The following MNAT1 variants were observed in gnomAD, a reference collection of about 807,000 sequenced individuals.
The protein encoded by MNAT1 is MNAT1 component of CDK activating kinase, also known as CDK-activating kinase assembly factor MAT1.
Under a neutral mutation model 42.0 loss-of-function variants are expected in MNAT1, and 43 were observed. The observed-to-expected ratio is 1.02, with a 90% CI of 0.80 to 1.32. MNAT1 has a LOEUF of 1.32. Ranked by LOEUF, MNAT1 falls within the 40% of genes most tolerant of loss-of-function variation. MNAT1 has a pLI of 0.00. For synonymous variants in MNAT1, 118 were observed against 120.0 expected, an observed-to-expected ratio of 0.98 and a Z score of 0.11; for missense variants, 306 against 350.4, an observed-to-expected ratio of 0.87 and a Z score of 1.01.
At chr14:60,914,556 TAAA>T (rs11418104) in intron 7 of MNAT1, among the ~76,000 whole-genome samples, 1 of 150,226 alleles carries the variant, frequency 6.7e-6, no homozygotes, top group Non-Finnish European at 1.5e-5. Flanking sequence ...ACAGATATGG[TAAA>T]AAAAAAAATC....
At chr14:60,890,593 A>AGC (rs1210091387) in intron 7 of MNAT1, among the ~76,000 whole-genome samples, 1 of 152,332 alleles carries the variant, frequency 6.6e-6, no homozygotes, top group East Asian at 1.9e-4. Flanking sequence ...AAGCCGACAG[A>AGC]GCAGCCTTCA....
intron 7 of MNAT1, among the ~76,000 whole-genome samples, chr14:60,908,274 AGGAAAGCCTCACT>A (rs2035258282): frequency 6.6e-6 from 1 of 152,144 alleles, no homozygotes; most frequent in Non-Finnish European, 1.5e-5. Context: ...GTGCTATAAA[AGGAAAGCCTCACT>A]GTGTGCTTTT....
intron 7 of MNAT1, among the ~76,000 whole-genome samples, chr14:60,946,623 T>C (rs761149768): frequency 1.2e-4 from 19 of 152,176 alleles, no homozygotes; most frequent in East Asian, 1.9e-4. Flanking sequence ...TTCCTTGACC[T>C]TTTGTTCTCA....
intron 7 of MNAT1, among the ~76,000 whole-genome samples, chr14:60,912,191 C>T (rs1476471330): frequency 6.6e-6 from 1 of 152,092 alleles, no homozygotes. Flanking sequence ...TTCCTCCATC[C>T]CTTTATTTTG....
At chr14:60,866,620 C>T (rs188091912) in intron 6 of MNAT1, among the ~76,000 whole-genome samples, 12 of 152,140 alleles carry the variant, frequency 7.9e-5, no homozygotes, top group African/African-American at 2.6e-4. Context: ...AGTTTTGAGA[C>T]TCATGCCTTT....
chr14:60,908,645 C>T (rs1194423515), intron 7 of MNAT1, among the ~76,000 whole-genome samples: 2 of 152,214 alleles, frequency 1.3e-5, no homozygotes, highest in East Asian at 3.8e-4. Flanking sequence ...CTATAAAGGA[C>T]ACGAACTCAT....
intron 6 of MNAT1, among the ~76,000 whole-genome samples, chr14:60,841,161 A>C (rs949546365): frequency 1.5e-5 from 2 of 136,496 alleles, no homozygotes; most frequent in African/African-American, 2.7e-5. Flanking sequence ...CTCCCTTTCC[A>C]TTTCCTTTTC....
intron 3 of MNAT1, among the ~76,000 whole-genome samples, chr14:60,802,227 A>C (rs1045397225): frequency 1.3e-5 from 2 of 152,180 alleles, no homozygotes; most frequent in Admixed American, 1.3e-4. Context: ...ATGAAATTTC[A>C]ATTAGACAGG....
chr14:60,809,740 C>T (rs1278927922), intron 4 of MNAT1, among the ~76,000 whole-genome samples: 5 of 152,010 alleles, frequency 3.3e-5, no homozygotes, highest in African/African-American at 9.7e-5. Flanking sequence ...TTTTAATGTG[C>T]AGTTGGATTC....
intron 1 of MNAT1, among the ~76,000 whole-genome samples, chr14:60,743,314 A>G (rs934818636): frequency 1.1e-4 from 16 of 149,698 alleles, no homozygotes; most frequent in Admixed American, 4.0e-4. Flanking sequence ...TTTGAGACGG[A>G]GTCTTGCTCT....
chr14:60,930,364 C>T (rs912712081), intron 7 of MNAT1, among the ~76,000 whole-genome samples: 6 of 151,942 alleles, frequency 3.9e-5, no homozygotes, highest in Admixed American at 3.9e-4. Context: ...TCCCACAATG[C>T]CTTGATGGCA....
chr14:60,893,329 C>T (rs907622791), intron 7 of MNAT1, among the ~76,000 whole-genome samples: 15 of 152,018 alleles, frequency 9.9e-5, no homozygotes, highest in African/African-American at 3.6e-4. Context: ...CCTACCTGTT[C>T]ATACATATTA....
intron 6 of MNAT1, among the ~76,000 whole-genome samples, chr14:60,842,200 T>TATG (rs2033570384): frequency 6.6e-6 from 1 of 152,250 alleles, no homozygotes; most frequent in Non-Finnish European, 1.5e-5. Flanking sequence ...ATTGGATAGT[T>TATG]ATGATGCAGA....
intron 1 of MNAT1, among the ~76,000 whole-genome samples, chr14:60,748,639 C>T (rs2029935759): frequency 6.6e-6 from 1 of 152,232 alleles, no homozygotes; most frequent in Admixed American, 6.5e-5. Flanking sequence ...TCATCAATAT[C>T]ACTGTCTCCC....
intron 6 of MNAT1, among the ~76,000 whole-genome samples, chr14:60,834,662 T>C (rs1324970023): frequency 6.6e-6 from 1 of 152,222 alleles, no homozygotes; most frequent in African/African-American, 2.4e-5. Context: ...GTTCTGTAGA[T>C]GTCTGTTAGG....
rs1410088865 is a variant in MNAT1, at chr14:60,907,166, A to G, written c.809+27331A>G. Among the ~76,000 whole-genome samples the G allele has an allele frequency of 2.0e-5, 3 of 152,150 alleles. No individual in the cohort carries two copies. In the East Asian group the frequency reaches 5.8e-4, roughly 29 times the overall value. On this transcript the variant is annotated intron_variant, in intron 7 of 7. Coordinates refer to ENST00000261245, the MANE Select transcript of MNAT1 (RefSeq NM_002431.4). The stretch of plus-strand genomic sequence containing the variant: ...ATTATAAAGATGAAGAAACAGCTGG[A>G]CACGGTGGTTCACACCTGTAATCCC...
At chr14:60,776,238 C>T (rs1056630165) in intron 1 of MNAT1, among the ~76,000 whole-genome samples, 6 of 152,056 alleles carry the variant, frequency 3.9e-5, no homozygotes, top group Non-Finnish European at 8.8e-5. Context: ...ATGGGAGCTC[C>T]TTGTGAGGTC....
chr14:60,920,577 T>C (rs934821303), intron 7 of MNAT1, among the ~76,000 whole-genome samples: 5 of 151,900 alleles, frequency 3.3e-5, no homozygotes, highest in Non-Finnish European at 7.4e-5. Flanking sequence ...CCACCTGTAA[T>C]CATTACAGGC....
chr14:60,771,599 C>A (rs1008149548), intron 1 of MNAT1, among the ~76,000 whole-genome samples: 2 of 152,168 alleles, frequency 1.3e-5, no homozygotes, highest in African/African-American at 4.8e-5. Flanking sequence ...TTATAGCGTC[C>A]CTTCTGTCTT....
Sources: allele counts gnomAD v4.1 joint callset (sites outside exome capture counted in the v4.1 genomes callset), GRCh38; gene constraint gnomAD v4.1.1; transcripts MANE v1.5; gene names NCBI Gene and HGNC (gene_info 2026-07-23, HGNC 2026-07-21).